Variants in ITGBL1 observed in about 807,000 individuals in gnomAD.
ITGBL1 encodes integrin subunit beta like 1, also known as integrin beta-like protein 1.
Under a neutral mutation model 68.5 loss-of-function variants are expected in ITGBL1, and 51 were observed. That is an observed-to-expected ratio of 0.74 (90% CI 0.59 to 0.94). ITGBL1 has a LOEUF of 0.94. ITGBL1 is among the 40% of genes least tolerant of loss of function. The pLI is 0.00. For synonymous variants in ITGBL1, 209 were observed against 227.3 expected, an observed-to-expected ratio of 0.92 and a Z score of 0.72; for missense variants, 649 against 647.4, an observed-to-expected ratio of 1.00 and a Z score of -0.03.
At chr13:101,628,044 C>T (rs1029661768) in intron 7 of ITGBL1, among the ~76,000 whole-genome samples, 3 of 150,710 alleles carry the variant, frequency 2.0e-5, no homozygotes, top group Non-Finnish European at 4.4e-5. Flanking sequence ...GAGGCTGTAG[C>T]ATTTTGCATT....
chr13:101,669,240 G>A (rs2033298171), intron 7 of ITGBL1, among the ~76,000 whole-genome samples: 1 of 152,172 alleles, frequency 6.6e-6, no homozygotes, highest in South Asian at 2.1e-4. Flanking sequence ...ATAATTAGGG[G>A]AGTGAGAGGG....
At chr13:101,467,929 C>T (rs1251792474) in intron 2 of ITGBL1, among the ~76,000 whole-genome samples, 1 of 152,036 alleles carries the variant, frequency 6.6e-6, no homozygotes, top group African/African-American at 2.4e-5. Context: ...TTAAAAACTT[C>T]TCTTACGGCA....
intron 2 of ITGBL1, among the ~76,000 whole-genome samples, chr13:101,495,611 G>C (rs1321626260): frequency 6.6e-6 from 1 of 151,010 alleles, no homozygotes. Context: ...GAGGTAACTA[G>C]CAAAAGGGAT....
intron 2 of ITGBL1, among the ~76,000 whole-genome samples, chr13:101,459,886 C>G (rs1028431341): frequency 2.6e-5 from 4 of 151,396 alleles, no homozygotes; most frequent in African/African-American, 9.7e-5. Context: ...AATTTTTTTT[C>G]TTGAAGATAT....
chr13:101,705,858 T>A (rs936431446), intron 8 of ITGBL1, among the ~76,000 whole-genome samples: 8 of 147,384 alleles, frequency 5.4e-5, no homozygotes, highest in Non-Finnish European at 1.2e-4. Flanking sequence ...TGGTGCTTGA[T>A]TTTGTATCCC....
At chr13:101,523,372 T>A (rs2049318714) in intron 2 of ITGBL1, among the ~76,000 whole-genome samples, 1 of 152,164 alleles carries the variant, frequency 6.6e-6, no homozygotes, top group East Asian at 1.9e-4. Context: ...CCAAGTTGGA[T>A]TAGAAGATGT....
chr13:101,718,065 G>A (rs936503383), downstream of ITGBL1: 3 of 152,122 alleles, frequency 2.0e-5, no homozygotes, highest in Admixed American at 2.0e-4. Flanking sequence ...TTTGGACAAA[G>A]ATGAAAATAT....
intron 2 of ITGBL1, among the ~76,000 whole-genome samples, chr13:101,460,124 C>T (rs1174128017): frequency 6.6e-6 from 1 of 152,156 alleles, no homozygotes; most frequent in Non-Finnish European, 1.5e-5. Flanking sequence ...TCCCTTCCTT[C>T]AATCCTCATC....
intron 7 of ITGBL1, among the ~76,000 whole-genome samples, chr13:101,606,295 G>A (rs1413165012): frequency 6.7e-6 from 1 of 150,356 alleles, no homozygotes. Context: ...ATGTCTTGAA[G>A]GTAGAATAAC....
chr13:101,564,589 C>T (rs747627582), intron 2 of ITGBL1, among the ~76,000 whole-genome samples: 1 of 145,470 alleles, frequency 6.9e-6, no homozygotes, highest in African/African-American at 2.5e-5. Flanking sequence ...TATATGTATC[C>T]TGGATATGCA....
intron 2 of ITGBL1, among the ~76,000 whole-genome samples, chr13:101,543,243 G>A (rs1020079189): frequency 1.3e-5 from 2 of 152,024 alleles, no homozygotes; most frequent in Non-Finnish European, 2.9e-5. Context: ...GCTCTTTTAG[G>A]GCAGGCCTGG....
intron 7 of ITGBL1, among the ~76,000 whole-genome samples, chr13:101,677,605 A>G (rs903248239): frequency 1.3e-5 from 2 of 152,328 alleles, no homozygotes; most frequent in African/African-American, 4.8e-5. Context: ...TTTATGAAAT[A>G]TGAACTTCCT....
At chr13:101,471,687 A>C (rs950087329) in intron 2 of ITGBL1, among the ~76,000 whole-genome samples, 3 of 152,162 alleles carry the variant, frequency 2.0e-5, no homozygotes, top group Non-Finnish European at 4.4e-5. Context: ...TACCCAAGCT[A>C]CGTTTTCGGT....
At chr13:101,638,545 T>C (rs2032252828) in intron 7 of ITGBL1, among the ~76,000 whole-genome samples, 2 of 152,176 alleles carry the variant, frequency 1.3e-5, no homozygotes, top group African/African-American at 2.4e-5. Context: ...CAGTTCCACA[T>C]GGCTGGAGAG....
chr13:101,706,645 G>A (rs1407377878), intron 8 of ITGBL1, 111 bp from the exon 9 acceptor site: 19 of 1,076,360 alleles, frequency 1.8e-5, no homozygotes, highest in Non-Finnish European at 2.2e-5. Context: ...AAAGAAGAAT[G>A]TGTTGGATGG....
chr13:101,709,388 A>G (rs1278841790), intron 9 of ITGBL1, among the ~76,000 whole-genome samples: 1 of 149,496 alleles, frequency 6.7e-6, no homozygotes, highest in Non-Finnish European at 1.5e-5. Flanking sequence ...AAAAAAAAAA[A>G]AAAAAAAAAA....
chr13:101,634,719 C>A (rs1380468978), intron 7 of ITGBL1, among the ~76,000 whole-genome samples: 1 of 152,054 alleles, frequency 6.6e-6, no homozygotes, highest in African/African-American at 2.4e-5. Flanking sequence ...AGATGTCTTA[C>A]ATTTCAGTGG....
Position 101,709,318 on chromosome 13 carries a change from T to C in ITGBL1, c.1279+2416T>C, listed in dbSNP as rs187689830. ...AAGCGGAGCTTGCAGTGAGCCGAGA[T>C]TGCGCCACTGCAGTCCGCAGTCCGG... On this transcript the variant is annotated intron_variant, in intron 9 of 10. Transcript: ENST00000376180. Among the ~76,000 whole-genome samples the C allele has an allele frequency of 8.3e-3, 1,122 of 135,338 alleles. 12 individuals carry two copies. Among genetic ancestry groups the C allele is most frequent in the African/African-American group, 0.03 (1,048 of 35,208 alleles). 88.8% of individuals were successfully genotyped at this position (135,338 alleles called of 152,430 possible).
intron 2 of ITGBL1, among the ~76,000 whole-genome samples, chr13:101,539,769 T>A (rs575107495): frequency 6.6e-6 from 1 of 151,866 alleles, no homozygotes. Flanking sequence ...TGGTATCTCA[T>A]TGTGGTTTTG....
Sources: allele counts gnomAD v4.1 joint callset (sites outside exome capture counted in the v4.1 genomes callset), GRCh38; gene constraint gnomAD v4.1.1; transcripts MANE v1.5; gene names NCBI Gene and HGNC (gene_info 2026-07-23, HGNC 2026-07-21).